The following DNMBP variants were observed in gnomAD, a reference collection of about 807,000 sequenced individuals.
The protein encoded by DNMBP is dynamin binding protein.
A neutral mutation model predicts 150.0 loss-of-function variants in DNMBP; 87 were observed. The ratio of observed to expected loss-of-function variants is 0.58; its 90% CI spans 0.49 to 0.69. DNMBP has a LOEUF of 0.69. Among genes scored for constraint, DNMBP ranks in the 30% least tolerant of loss-of-function variants. DNMBP has a pLI of 0.00. For missense variants in DNMBP, 1,774 were observed against 1,949.0 expected (o/e 0.91, Z 1.69); for synonymous variants, 711 against 750.4 (o/e 0.95, Z 0.86).
intron 4 of DNMBP, among the ~76,000 whole-genome samples, chr10:99,954,975 C>A (rs80196229): frequency 2.0e-5 from 3 of 151,400 alleles, no homozygotes; most frequent in African/African-American, 7.3e-5. Context: ...ATCACTTGAG[C>A]CCAGGAGGTG....
intron 10 of DNMBP, among the ~76,000 whole-genome samples, chr10:99,895,580 C>G (rs746122877): frequency 1.9e-4 from 29 of 152,228 alleles, no homozygotes; most frequent in Non-Finnish European, 3.7e-4. Flanking sequence ...TGCAAGCCCT[C>G]TGCTCTGGCC....
chr10:99,887,388 A>G lies in DNMBP; in HGVS notation c.3286-756T>C, dbSNP rs373782491. Among the ~76,000 whole-genome samples the G allele has an allele frequency of 1.1e-3, 174 of 151,804 alleles. 2 individuals carry two copies. The highest frequency in any genetic ancestry group is 4.1e-3 in the African/African-American group (170 of 41,440). On this transcript the variant is annotated intron_variant, in intron 12 of 16. Coordinates refer to ENST00000324109, the MANE Select transcript of DNMBP (RefSeq NM_015221.4). ...CTAAAAATACAAAAATTAGGCAGGT[A>G]TGGTGGTGCATGCCTGTAGTCCCAG...
chr10:99,978,898 T>G (rs1212290933), intron 1 of DNMBP, among the ~76,000 whole-genome samples: 1 of 152,138 alleles, frequency 6.6e-6, no homozygotes, highest in African/African-American at 2.4e-5. Flanking sequence ...TATTTTTGTT[T>G]TTTTAAAGTA....
chr10:99,930,985 C>T (rs1304581402), intron 4 of DNMBP: 10 of 446,252 alleles, frequency 2.2e-5, no homozygotes, highest in Non-Finnish European at 3.5e-5. Context: ...TCTCCAGAGG[C>T]CAGAAGATAA....
At chr10:99,931,192 CG>C (rs749592681) in intron 4 of DNMBP, among the ~76,000 whole-genome samples, 3 of 152,184 alleles carry the variant, frequency 2.0e-5, no homozygotes, top group Non-Finnish European at 4.4e-5. Flanking sequence ...CAGTCTCCCC[CG>C]CCTCTTTAAT....
rs772422030 is a variant in DNMBP, at chr10:99,956,829, T to C, written c.645A>G (p.Gly215=). ...CATTAACAATGCAGTCATCTTGATTTCCAGAACTTACTGACTCATCCACAG... is the reference window on the plus strand; with the variant it reads ...CATTAACAATGCAGTCATCTTGATTCCCAGAACTTACTGACTCATCCACAG... ...LRTVDESVSS[G]NQDDCIVNGE... The change falls in exon 4 of 17, where the codon GGA becomes GGG. Residue 215 remains glycine, a synonymous_variant. Coordinates refer to ENST00000324109, the MANE Select transcript of DNMBP (RefSeq NM_015221.4). 1 of 1,614,164 alleles carries C rather than the reference T, an allele frequency of 6.2e-7. No homozygotes were observed. Among genetic ancestry groups the C allele is most frequent in the Non-Finnish European group, 8.5e-7 (1 of 1,180,030 alleles).
intron 1 of DNMBP, among the ~76,000 whole-genome samples, chr10:99,991,198 C>T (rs2040887585): frequency 1.3e-5 from 2 of 151,916 alleles, no homozygotes; most frequent in African/African-American, 4.8e-5. Flanking sequence ...CCTGCCTCAG[C>T]CTCCTGAGTA....
At chr10:99,973,080 C>CATTTATTT (rs35399198) in intron 1 of DNMBP, among the ~76,000 whole-genome samples, 10,765 of 149,618 alleles carry the variant, frequency 0.072, 457 homozygotes, top group Middle Eastern at 0.095. Flanking sequence ...CTGCCTGCGG[C>CATTTATTT]ATTTATTTAT....
At position 99,884,279 on chromosome 10, in the gene DNMBP, T is replaced by A. The variant is rs1004247800; in HGVS notation, c.3799-70A>T. 26 of 1,378,122 alleles carry A rather than the reference T, an allele frequency of 1.9e-5. No individual in the cohort carries two copies. In the African/African-American group the frequency reaches 3.6e-4, roughly 19 times the overall value. The allele number at this position is 1,378,122 out of a possible 1,614,324, so 85.4% of individuals were successfully genotyped here. ...CCAGCAGCCATATTTCATCCCAACA[T>A]GTGGCCAGTCTCAGAAATGAGGCAG... On this transcript the variant is annotated intron_variant, in intron 14 of 16. Transcript: ENST00000324109.
intron 6 of DNMBP, among the ~76,000 whole-genome samples, chr10:99,905,578 T>C (rs1409496237): frequency 6.6e-6 from 1 of 151,992 alleles, no homozygotes; most frequent in Non-Finnish European, 1.5e-5. Flanking sequence ...AAAAAGCTAG[T>C]TGGGAGGCTG....
At position 99,956,377 on chromosome 10, in the gene DNMBP, G is replaced by T; in HGVS notation, c.1097C>A (p.Ser366Ter). ...AGAGTTTCTGTCTGTGTCATACTCT[G>T]AAGTCAGATGACCGAGGGGAGAAGT... ...APTSPLGHLT[S>*]EYDTDRNSYQ... is the part of the protein sequence containing the mutation. The change falls in exon 4 of 17, where the codon TCA becomes TAA. Residue 366 changes from serine (S) to a stop codon, truncating the protein, a stop_gained. Coordinates refer to ENST00000324109, the MANE Select transcript of DNMBP (RefSeq NM_015221.4). LOFTEE classifies it high-confidence loss of function. The T allele has an allele frequency of 6.2e-7, 1 of 1,614,066 alleles. No individual in the cohort carries two copies. Among genetic ancestry groups the T allele is most frequent in the Non-Finnish European group, 8.5e-7 (1 of 1,180,022 alleles).
At chr10:99,984,067 A>G (rs2040805750) in intron 1 of DNMBP, among the ~76,000 whole-genome samples, 1 of 152,250 alleles carries the variant, frequency 6.6e-6, no homozygotes. Context: ...ACTAATTTAC[A>G]GCGTCTACGC....
chr10:100,009,621 G>C (rs1017245630), intron 1 of DNMBP, among the ~76,000 whole-genome samples: 1 of 152,096 alleles, frequency 6.6e-6, no homozygotes, highest in Non-Finnish European at 1.5e-5. Flanking sequence ...CTACAGGAGT[G>C]CGAGGGGGCC....
intron 4 of DNMBP, among the ~76,000 whole-genome samples, chr10:99,935,817 G>A (rs1471608571): frequency 1.3e-5 from 2 of 152,130 alleles, no homozygotes; most frequent in Non-Finnish European, 2.9e-5. Flanking sequence ...TGCGCACCTC[G>A]GCCTCCCGAA....
intron 6 of DNMBP, among the ~76,000 whole-genome samples, chr10:99,903,095 T>TG (rs1233887930): frequency 7.5e-6 from 1 of 134,062 alleles, no homozygotes; most frequent in Non-Finnish European, 1.6e-5. Context: ...CTACCACACC[T>TG]GGGCAATTTT....
chr10:99,892,461 C>T (rs1174664722), intron 11 of DNMBP, among the ~76,000 whole-genome samples: 1 of 131,042 alleles, frequency 7.6e-6, no homozygotes, highest in Non-Finnish European at 1.6e-5. Flanking sequence ...ACCTTACCCC[C>T]AACCCTGCGC....
intron 3 of DNMBP, among the ~76,000 whole-genome samples, chr10:99,968,064 T>A (rs896178818): frequency 6.6e-6 from 1 of 152,250 alleles, no homozygotes; most frequent in Middle Eastern, 3.4e-3. Context: ...CAGGCTGGAG[T>A]GCAGTGATGT....
chr10:99,925,000 C>T (rs933797981), intron 4 of DNMBP, among the ~76,000 whole-genome samples: 6 of 152,178 alleles, frequency 3.9e-5, no homozygotes, highest in Non-Finnish European at 8.8e-5. Flanking sequence ...GCCCCTGCTC[C>T]TACCCTCCAC....
chr10:99,913,216 T>G (rs1479856258), intron 4 of DNMBP, among the ~76,000 whole-genome samples: 2 of 151,938 alleles, frequency 1.3e-5, no homozygotes, highest in Non-Finnish European at 2.9e-5. Flanking sequence ...AAAAAGAAGC[T>G]TTGAATCTTG....
Sources: allele counts gnomAD v4.1 joint callset (sites outside exome capture counted in the v4.1 genomes callset), GRCh38; gene constraint gnomAD v4.1.1; transcripts MANE v1.5; gene names NCBI Gene and HGNC (gene_info 2026-07-23, HGNC 2026-07-21).